C13orf42: variants seen among roughly 807,000 people sequenced by gnomAD.
The protein encoded by C13orf42 is uncharacterized protein C13orf42.
At chr13:51,112,809 T>C (rs572138816), upstream of C13orf42, among the ~76,000 whole-genome samples, 5 of 152,318 alleles carry the variant, frequency 3.3e-5, no homozygotes, top group South Asian at 2.1e-4. Context: ...TCAGACCCAA[T>C]TGTCCAGCTT....
chr13:51,151,989 G>A (rs1038366641), intron 1 of C13orf42, among the ~76,000 whole-genome samples: 3 of 152,102 alleles, frequency 2.0e-5, no homozygotes, highest in African/African-American at 7.2e-5. Context: ...AGAATCTCTG[G>A]CCCAGCCCAG....
intron 1 of C13orf42, among the ~76,000 whole-genome samples, chr13:51,148,735 C>G (rs1953756798): frequency 6.6e-6 from 1 of 152,232 alleles, no homozygotes; most frequent in Non-Finnish European, 1.5e-5. Flanking sequence ...AACCCCCTAA[C>G]TGGCTGAGGG....
intron 1 of C13orf42, among the ~76,000 whole-genome samples, chr13:51,088,592 G>A (rs1449165043): frequency 6.6e-6 from 1 of 152,084 alleles, no homozygotes; most frequent in Non-Finnish European, 1.5e-5. Context: ...TGAGGGGATG[G>A]ATACCATGTT....
chr13:51,137,564 C>T (rs1008045901), intron 1 of C13orf42, among the ~76,000 whole-genome samples: 1 of 152,210 alleles, frequency 6.6e-6, no homozygotes, highest in African/African-American at 2.4e-5. Flanking sequence ...TTTTGTCTCC[C>T]ACTCTCTGGA....
intron 1 of C13orf42, among the ~76,000 whole-genome samples, chr13:51,157,319 A>G (rs9568535): frequency 0.16 from 24,308 of 152,168 alleles, 2,142 homozygotes; most frequent in East Asian, 0.27. Context: ...GTGTAGTCCC[A>G]GCTACTCTGG....
chr13:51,087,047 C>T (rs1401178209), intron 2 of C13orf42, among the ~76,000 whole-genome samples: 1 of 152,210 alleles, frequency 6.6e-6, no homozygotes, highest in Non-Finnish European at 1.5e-5. Context: ...AAGCTCTAAC[C>T]TTAGTATAAG....
At chr13:51,122,093 A>T (rs939510215) in intron 1 of C13orf42, among the ~76,000 whole-genome samples, 5 of 152,202 alleles carry the variant, frequency 3.3e-5, no homozygotes, top group Non-Finnish European at 7.3e-5. Context: ...ATTTAAATAC[A>T]CAAATATTTT....
chr13:51,111,721 G>T (rs1328936269), upstream of C13orf42, among the ~76,000 whole-genome samples: 1 of 152,158 alleles, frequency 6.6e-6, no homozygotes, highest in Non-Finnish European at 1.5e-5. Flanking sequence ...CTACTTAGCA[G>T]GGACAGCCCT....
At chr13:51,094,576 C>G (rs949358526) in intron 1 of C13orf42, among the ~76,000 whole-genome samples, 2 of 152,184 alleles carry the variant, frequency 1.3e-5, no homozygotes, top group African/African-American at 4.8e-5. Flanking sequence ...CCCAGTCCTC[C>G]TCACCTCTTT....
chr13:51,142,114 A>T (rs968563130), intron 1 of C13orf42, among the ~76,000 whole-genome samples: 8 of 152,260 alleles, frequency 5.3e-5, no homozygotes, highest in Non-Finnish European at 1.5e-5. Flanking sequence ...ATACAGGTTT[A>T]ATGAAAATAG....
In C13orf42 at chr13:51,163,145, C is replaced by G. The variant is rs144142710; in HGVS notation, n.136+9108G>C. Among the ~76,000 whole-genome samples the G allele has an allele frequency of 4.3e-3, 648 of 152,320 alleles. 3 individuals are homozygous for G. Among genetic ancestry groups the G allele is most frequent in the African/African-American group, 0.015 (623 of 41,568 alleles). ...GAAACCTCAGCTGGCTTCACCCCTGCTCAGGGGCCAGCAAATGTCCCCCAA... is the reference window on the plus strand; with the variant it reads ...GAAACCTCAGCTGGCTTCACCCCTGGTCAGGGGCCAGCAAATGTCCCCCAA... On this transcript the variant is annotated intron_variant and non_coding_transcript_variant, in intron 1 of 4. Coordinates refer to the C13orf42 transcript ENST00000433280.
At chr13:51,139,488 T>C (rs1355444978) in intron 1 of C13orf42, among the ~76,000 whole-genome samples, 69 of 152,112 alleles carry the variant, frequency 4.5e-4, no homozygotes. Context: ...CTGGGTAAAA[T>C]GAGGCTGAGA....
intron 1 of C13orf42, among the ~76,000 whole-genome samples, chr13:51,138,123 C>T (rs754567081): frequency 7.9e-5 from 12 of 152,140 alleles, no homozygotes; most frequent in South Asian, 2.1e-4. Context: ...CAGGCCCTGG[C>T]GAGGAGGAGG....
chr13:51,153,621 G>GTTTTTTTTTTTTTTTTTTTTTTT (rs1202370498), intron 1 of C13orf42, among the ~76,000 whole-genome samples: 25 of 82,006 alleles, frequency 3.0e-4, no homozygotes, highest in Non-Finnish European at 5.8e-4. Context: ...CTTGCTTTCT[G>GTTTTTTTTTTTTTTTTTTTTTTT]TTTTTTTTCT....
At chr13:51,096,150 A>T (rs1953232706) in intron 1 of C13orf42, among the ~76,000 whole-genome samples, 1 of 152,176 alleles carries the variant, frequency 6.6e-6, no homozygotes, top group Admixed American at 6.5e-5. Context: ...AATTTTCCAG[A>T]GAGTTTGTCC....
chr13:51,156,367 T>A lies in C13orf42; in HGVS notation n.136+15886A>T, dbSNP rs1593555685. On this transcript the variant is annotated intron_variant and non_coding_transcript_variant, in intron 1 of 4. Coordinates refer to the C13orf42 transcript ENST00000433280. ...AAGTGCATACTGTGTTCTAAGTGTT[T>A]TACACAGATTAACTCAAATAACTCT... 3.3e-5 allele frequency among the ~76,000 whole-genome samples: 5 copies of A among 152,302 alleles called. No homozygotes were observed. In the South Asian group the frequency reaches 1.0e-3, roughly 32 times the overall value.
At chr13:51,094,788 C>T (rs1390086878) in intron 1 of C13orf42, among the ~76,000 whole-genome samples, 1 of 152,174 alleles carries the variant, frequency 6.6e-6, no homozygotes, top group African/African-American at 2.4e-5. Flanking sequence ...TTTCTTTCAG[C>T]ACTTTAAAGA....
At chr13:51,132,103 T>C (rs1390720067) in intron 1 of C13orf42, among the ~76,000 whole-genome samples, 2 of 152,232 alleles carry the variant, frequency 1.3e-5, no homozygotes, top group Non-Finnish European at 2.9e-5. Flanking sequence ...TTTGCTTATT[T>C]TGCTTTACTG....
chr13:51,107,822 A>G (rs1953376883), intron 1 of C13orf42, among the ~76,000 whole-genome samples: 1 of 152,242 alleles, frequency 6.6e-6, no homozygotes, highest in South Asian at 2.1e-4. Context: ...GCACATTTTA[A>G]CAAACCACAG....
Sources: gnomAD v4.1 joint callset for allele counts (sites outside exome capture counted in the v4.1 genomes callset) on GRCh38, gnomAD v4.1.1 for gene constraint, MANE v1.5 for transcripts, NCBI Gene and HGNC (gene_info 2026-07-23, HGNC 2026-07-21) for gene names.